Variants in DNER observed in about 807,000 individuals in gnomAD.
The protein encoded by DNER is delta/notch like EGF repeat containing.
Under a neutral mutation model 78.2 loss-of-function variants are expected in DNER, and 33 were observed. The ratio of observed to expected loss-of-function variants is 0.42; its 90% CI spans 0.32 to 0.56. The LOEUF (loss-of-function observed/expected upper bound fraction) is 0.56. Among genes scored for constraint, DNER ranks in the 20% least tolerant of loss-of-function variants. DNER has a pLI of 0.11. For synonymous variants in DNER, 417 were observed against 384.8 expected, an observed-to-expected ratio of 1.08 and a Z score of -0.98; for missense variants, 918 against 975.3, an observed-to-expected ratio of 0.94 and a Z score of 0.78.
chr2:229,559,714 T>C (rs1268352469), intron 4 of DNER, among the ~76,000 whole-genome samples: 3 of 152,172 alleles, frequency 2.0e-5, no homozygotes, highest in African/African-American at 7.2e-5. Flanking sequence ...AACTGGGAGA[T>C]TTCCCTAATG....
chr2:229,686,664 C>G (rs1347839745), intron 1 of DNER, among the ~76,000 whole-genome samples: 1 of 152,198 alleles, frequency 6.6e-6, no homozygotes, highest in Non-Finnish European at 1.5e-5. Context: ...TCCAGCCTGA[C>G]TCCAGCACTC....
chr2:229,376,058 G>A (rs927958897), intron 11 of DNER, among the ~76,000 whole-genome samples: 8 of 152,080 alleles, frequency 5.3e-5, no homozygotes, highest in Non-Finnish European at 7.4e-5. Flanking sequence ...CTTCCCCTTC[G>A]CCTTTTGCCG....
At chr2:229,582,870 A>T (rs947692392) in intron 4 of DNER, among the ~76,000 whole-genome samples, 2 of 151,874 alleles carry the variant, frequency 1.3e-5, no homozygotes, top group African/African-American at 4.8e-5. Context: ...CAATCTCCTG[A>T]CCGCGTGATC....
intron 1 of DNER, among the ~76,000 whole-genome samples, chr2:229,617,864 A>T (rs916976977): frequency 5.3e-5 from 8 of 152,184 alleles, no homozygotes; most frequent in Non-Finnish European, 1.2e-4. Context: ...TGGTGGGAGG[A>T]TCGCTTGAGC....
intron 6 of DNER, among the ~76,000 whole-genome samples, chr2:229,486,187 A>C (rs890595699): frequency 1.3e-5 from 2 of 152,218 alleles, no homozygotes; most frequent in Admixed American, 1.3e-4. Context: ...TCCTATTTTA[A>C]AGTCGGAAGG....
intron 7 of DNER, among the ~76,000 whole-genome samples, chr2:229,457,863 T>G (rs553689751): frequency 6.7e-6 from 1 of 149,504 alleles, no homozygotes; most frequent in Admixed American, 6.6e-5. Flanking sequence ...TAAGGACAGG[T>G]GCGGTGGCTT....
chr2:229,475,650 T>G (rs1695018977), intron 7 of DNER, among the ~76,000 whole-genome samples: 1 of 152,166 alleles, frequency 6.6e-6, no homozygotes, highest in Non-Finnish European at 1.5e-5. Context: ...GAAATTGTAG[T>G]ACGAGTGCAA....
chr2:229,519,108 C>A (rs1574881963), intron 5 of DNER, among the ~76,000 whole-genome samples: 1 of 152,078 alleles, frequency 6.6e-6, no homozygotes. Flanking sequence ...CTGATTCTGA[C>A]TTTTTTGATA....
intron 1 of DNER, among the ~76,000 whole-genome samples, chr2:229,711,124 G>T (rs1699906584): frequency 6.6e-6 from 1 of 152,098 alleles, no homozygotes; most frequent in African/African-American, 2.4e-5. Context: ...AAGGAGACTG[G>T]CTTGTGGGTT....
intron 9 of DNER, among the ~76,000 whole-genome samples, chr2:229,413,533 G>A (rs1693575002): frequency 6.6e-6 from 1 of 151,230 alleles, no homozygotes; most frequent in Non-Finnish European, 1.5e-5. Flanking sequence ...ATGTTAGCCA[G>A]GCTGGTCTCG....
chr2:229,500,847 C>G (rs570437394), intron 6 of DNER, among the ~76,000 whole-genome samples: 3 of 152,076 alleles, frequency 2.0e-5, no homozygotes, highest in South Asian at 2.1e-4. Context: ...TCTCTCACCC[C>G]CCTCCCGCCC....
At chr2:229,378,689 C>T (rs1030768813) in intron 11 of DNER, among the ~76,000 whole-genome samples, 1 of 152,168 alleles carries the variant, frequency 6.6e-6, no homozygotes, top group African/African-American at 2.4e-5. Context: ...AGGCATCCTC[C>T]TCTTGGTTTC....
intron 9 of DNER, among the ~76,000 whole-genome samples, chr2:229,415,372 C>T (rs58244502): frequency 0.4 from 61,523 of 151,958 alleles, 13,528 homozygotes; most frequent in Middle Eastern, 0.5. Flanking sequence ...TGGCTTTCAC[C>T]CTTGTGAGCC....
intron 1 of DNER, among the ~76,000 whole-genome samples, chr2:229,626,246 G>A (rs902294720): frequency 1.3e-5 from 2 of 152,170 alleles, no homozygotes; most frequent in Non-Finnish European, 2.9e-5. Flanking sequence ...GACATAGGTT[G>A]GAGTAGAAGT....
At chr2:229,606,753 C>T (rs1165901793) in intron 1 of DNER, among the ~76,000 whole-genome samples, 4 of 152,052 alleles carry the variant, frequency 2.6e-5, no homozygotes, top group African/African-American at 4.8e-5. Context: ...ATTAGCTGGG[C>T]GTGGTGGTGC....
chr2:229,670,168 G>C (rs1036754092), intron 1 of DNER, among the ~76,000 whole-genome samples: 1 of 152,204 alleles, frequency 6.6e-6, no homozygotes, highest in Admixed American at 6.5e-5. Flanking sequence ...TCATTCAAAG[G>C]ATCCAGGCCA....
At chr2:229,577,085 A>C (rs1697315972) in intron 4 of DNER, among the ~76,000 whole-genome samples, 2 of 152,158 alleles carry the variant, frequency 1.3e-5, no homozygotes, top group African/African-American at 4.8e-5. Context: ...ATGCCTAAGG[A>C]AATCAGGTTT....
chr2:229,620,899 A>G lies in DNER; in HGVS notation c.277-29011T>C, dbSNP rs149712570. On this transcript the variant is annotated intron_variant, in intron 1 of 12. Coordinates refer to ENST00000341772, the MANE Select transcript of DNER (RefSeq NM_139072.4). ...AGGAGGAGAGGCCGTATGAGGACAC[A>G]GTGAAAAGGCAGTTGTTTGCAAGCC... 3.9e-4 allele frequency among the ~76,000 whole-genome samples: 60 copies of G among 152,328 alleles called. No individual in the cohort carries two copies. The East Asian group carries it at 8.7e-3, about 22-fold the overall frequency.
At chr2:229,547,143 G>C in intron 4 of DNER, 51 bp from the exon 5 acceptor site, 1 of 1,603,592 alleles carries the variant, frequency 6.2e-7, no homozygotes, top group Non-Finnish European at 8.5e-7. Flanking sequence ...CTCTTTAAAG[G>C]CAGTGTGTTG....
Sources: allele counts gnomAD v4.1 joint callset (sites outside exome capture counted in the v4.1 genomes callset), GRCh38; gene constraint gnomAD v4.1.1; transcripts MANE v1.5; gene names NCBI Gene and HGNC (gene_info 2026-07-23, HGNC 2026-07-21).